Variants in TRABD2B observed in about 807,000 individuals in gnomAD.
The protein encoded by TRABD2B is metalloprotease TIKI2.
A neutral mutation model predicts 40.1 loss-of-function variants in TRABD2B; 14 were observed. That is an observed-to-expected ratio of 0.35 (90% CI 0.23 to 0.55). The LOEUF (loss-of-function observed/expected upper bound fraction) is 0.55. Among genes scored for constraint, TRABD2B ranks in the 20% least tolerant of loss-of-function variants. TRABD2B has a pLI of 0.90. For synonymous variants in TRABD2B, 263 were observed against 277.0 expected, an observed-to-expected ratio of 0.95 and a Z score of 0.50; for missense variants, 541 against 648.6, an observed-to-expected ratio of 0.83 and a Z score of 1.80.
chr1:47,857,835 T>C (rs1006679895), intron 2 of TRABD2B, among the ~76,000 whole-genome samples: 4 of 151,924 alleles, frequency 2.6e-5, no homozygotes, highest in Non-Finnish European at 5.9e-5. Flanking sequence ...CTGCTAATAA[T>C]GTCTGTGTGC....
chr1:47,885,337 C>T (rs1252311369), intron 2 of TRABD2B, among the ~76,000 whole-genome samples: 1 of 152,218 alleles, frequency 6.6e-6, no homozygotes, highest in East Asian at 1.9e-4. Flanking sequence ...GTTCTCAGTG[C>T]CTCCACTCTT....
At chr1:47,985,791 A>G (rs1489239768) in intron 2 of TRABD2B, among the ~76,000 whole-genome samples, 1 of 152,244 alleles carries the variant, frequency 6.6e-6, no homozygotes, top group Non-Finnish European at 1.5e-5. Flanking sequence ...TCTGATGACC[A>G]TGGATAAAAG....
In TRABD2B at chr1:47,943,757, A is replaced by AACACACACAC. The variant is rs10554684; in HGVS notation, c.666+50267_666+50276dup. On this transcript the variant is annotated intron_variant, in intron 2 of 6. Transcript: ENST00000606738. Reference sequence around the variant, plus strand: ...AACTATACGTGAGATGCATCCAGAAAACACACACACACACACACACACACA... The same window carrying AACACACACAC: ...AACTATACGTGAGATGCATCCAGAAAACACACACACACACACACACACACACACACACACA... 1.2e-4 allele frequency among the ~76,000 whole-genome samples: 17 copies of AACACACACAC among 146,722 alleles called. No individual in the cohort carries two copies. The South Asian group carries it at 1.6e-3, about 13-fold the overall frequency.
rs1481371242 is a variant in TRABD2B, at chr1:47,994,580, G to A, written c.120C>T (p.Ser40=). ...GATCACGCCGAATCGTCCACAGGAAGGAGTTCAAGTCCCTCTGCTGCAGGA... is the reference window on the plus strand; with the variant it reads ...GATCACGCCGAATCGTCCACAGGAAAGAGTTCAAGTCCCTCTGCTGCAGGA... ...RPPGSQRDLN[S]FLWTIRRDPP... The change falls in exon 2 of 7, where the codon TCC becomes TCT. Residue 40 remains serine (S), a synonymous_variant. Transcript: ENST00000606738. The surrounding 1 kb of genome is among the most constrained non-coding windows in gnomAD (Gnocchi z 6.7). The A allele has an allele frequency of 1.3e-6, 2 of 1,535,548 alleles. No homozygotes were observed. The highest frequency in any genetic ancestry group is 1.7e-6 in the Non-Finnish European group (2 of 1,146,698).
chr1:47,794,679 G>A lies in TRABD2B; in HGVS notation c.895C>T (p.Leu299Phe), dbSNP rs1205272547. 1.3e-6 allele frequency: 2 copies of A among 1,536,372 alleles called. No individual in the cohort carries two copies. The highest frequency in any genetic ancestry group is 1.7e-4 in the Middle Eastern group (1 of 6,010). The change falls in exon 4 of 7, where the codon CTC (leucine) becomes TTC (phenylalanine). Residue 299 changes from leucine (L) to phenylalanine (F), a missense_variant. Physicochemically the swap from Leu to Phe is conservative, Grantham distance 22. Around this residue, in one of 2 missense-constraint regions of TRABD2B, gnomAD observed 369 missense variants for 492.8 expected, o/e 0.75. Transcript: ENST00000606738. ...ATGCGCTCATTCCTCTTGTAGATGA[G>A]CTCCTGGCGGAAGTAGCTGTCAATC... is the stretch of plus-strand genomic sequence containing the variant. ...QEIDSYFRQE[L>F]IYKRNERMGK...
At chr1:47,966,092 AGC>A (rs1645598507) in intron 2 of TRABD2B, among the ~76,000 whole-genome samples, 3 of 152,322 alleles carry the variant, frequency 2.0e-5, no homozygotes, top group Middle Eastern at 3.4e-3. Context: ...CTTGAAGGTC[AGC>A]ACGGGGTCTG....
chr1:47,850,576 C>T (rs954059794), intron 2 of TRABD2B, among the ~76,000 whole-genome samples: 1 of 152,230 alleles, frequency 6.6e-6, no homozygotes, highest in African/African-American at 2.4e-5. Flanking sequence ...CTCCCACACT[C>T]CAGCTTGTGC....
Position 47,775,438 on chromosome 1 carries a change from G to T in TRABD2B, c.1081C>A (p.Pro361Thr), listed in dbSNP as rs1331139908. 2 of 1,234,932 alleles carry T rather than the reference G, an allele frequency of 1.6e-6. No individual in the cohort carries two copies. The highest frequency in any genetic ancestry group is 6.3e-5 in the East Asian group (2 of 31,728). 76.5% of individuals were successfully genotyped at this position (1,234,932 alleles called of 1,614,324 possible). Residue 361 changes from proline (P) to threonine (T), a missense_variant and splice_region_variant, in exon 6 of 7, where the codon CCT becomes ACT. This residue lies in a region of TRABD2B where 172 missense variants were observed against 155.8 expected (regional missense o/e 1.10). Transcript: ENST00000606738. Reference protein sequence around the residue: ...HTPAGQAIHSPAPQSPAPSPE... With the variant: ...HTPAGQAIHSTAPQSPAPSPE... ...GAGGGCGCTGGGCTCTGGGGGGCAG[G>T]GCTGGAAAGAGGTAATGGCACATGG... is the stretch of plus-strand genomic sequence containing the variant.
chr1:47,842,510 G>C (rs990842212), intron 2 of TRABD2B, among the ~76,000 whole-genome samples: 2 of 152,122 alleles, frequency 1.3e-5, no homozygotes, highest in Admixed American at 1.3e-4. Flanking sequence ...CACCAGCCTC[G>C]GTGGAAAGCT....
intron 2 of TRABD2B, among the ~76,000 whole-genome samples, chr1:47,914,468 G>A (rs1183602919): frequency 6.6e-6 from 1 of 152,238 alleles, no homozygotes; most frequent in East Asian, 1.9e-4. Context: ...GGGAGCCAGA[G>A]CAATGTAGGG....
chr1:47,914,311 T>G (rs1644800751), intron 2 of TRABD2B, among the ~76,000 whole-genome samples: 1 of 152,106 alleles, frequency 6.6e-6, no homozygotes, highest in South Asian at 2.1e-4. Flanking sequence ...GGAAGAGAGG[T>G]GTCTGACCTG....
rs150362633 is a variant in TRABD2B at position 47,881,419 on chromosome 1, C to T, written c.667-79800G>A. On this transcript the variant is annotated intron_variant, in intron 2 of 6. Coordinates refer to ENST00000606738, the MANE Select transcript of TRABD2B (RefSeq NM_001194986.2). ...AATACCAGTTAATGTTTGTGGAGTG[C>T]TTAGTATACACCAGGAACTCTGCTA... is the stretch of plus-strand genomic sequence containing the variant. Among the ~76,000 whole-genome samples the T allele has an allele frequency of 1.1e-4, 16 of 152,290 alleles. No homozygotes were observed. The East Asian group carries it at 3.1e-3, about 29-fold the overall frequency.
At chr1:47,950,297 AAAT>A (rs1645323828) in intron 2 of TRABD2B, among the ~76,000 whole-genome samples, 1 of 152,110 alleles carries the variant, frequency 6.6e-6, no homozygotes, top group African/African-American at 2.4e-5. Flanking sequence ...AAGAAAAAAA[AAAT>A]AATAATAAAA....
At chr1:47,846,027 A>C (rs1645463952) in intron 2 of TRABD2B, among the ~76,000 whole-genome samples, 1 of 152,156 alleles carries the variant, frequency 6.6e-6, no homozygotes, top group Non-Finnish European at 1.5e-5. Context: ...TAAATTTGCA[A>C]AGGGGGTCTG....
At chr1:47,974,875 A>C (rs1283737628) in intron 2 of TRABD2B, among the ~76,000 whole-genome samples, 2 of 152,224 alleles carry the variant, frequency 1.3e-5, no homozygotes, top group Non-Finnish European at 2.9e-5. Flanking sequence ...CTTTGATATG[A>C]TGTGAGGAGA....
chr1:47,797,637 C>T (rs1318135786), intron 3 of TRABD2B, among the ~76,000 whole-genome samples: 6 of 152,126 alleles, frequency 3.9e-5, no homozygotes, highest in Non-Finnish European at 8.8e-5. Flanking sequence ...TCCCCAGGCT[C>T]CAGGGGCTGG....
intron 2 of TRABD2B, among the ~76,000 whole-genome samples, chr1:47,804,459 A>G (rs556685642): frequency 6.6e-6 from 1 of 152,034 alleles, no homozygotes; most frequent in African/African-American, 2.4e-5. Flanking sequence ...ACACTCGGCC[A>G]CTGCACACAC....
chr1:47,779,778 TCCTGAAC>T (rs1477133119), intron 4 of TRABD2B, among the ~76,000 whole-genome samples: 1 of 152,170 alleles, frequency 6.6e-6, no homozygotes, highest in African/African-American at 2.4e-5. Flanking sequence ...TCCCTGTTCA[TCCTGAAC>T]CCTAGGGGAG....
At chr1:47,803,954 T>C (rs1169961647) in intron 2 of TRABD2B, among the ~76,000 whole-genome samples, 1 of 152,214 alleles carries the variant, frequency 6.6e-6, no homozygotes, top group Non-Finnish European at 1.5e-5. Context: ...CAGCAGTCAC[T>C]TGGTTCAAGA....
Sources: gnomAD v4.1 joint callset for allele counts (sites outside exome capture counted in the v4.1 genomes callset) on GRCh38, gnomAD v4.1.1 for gene constraint, gnomAD v4.1.1 regional missense constraint, Gnocchi (gnomAD v3.1) non-coding constraint, MANE v1.5 for transcripts, NCBI Gene and HGNC (gene_info 2026-07-23, HGNC 2026-07-21) for gene names.